Variants in ALPK1 observed in about 807,000 individuals in gnomAD.
ALPK1 encodes alpha kinase 1.
Under a neutral mutation model 120.6 loss-of-function variants are expected in ALPK1, and 110 were observed. The ratio of observed to expected loss-of-function variants is 0.91; its 90% confidence interval spans 0.78 to 1.07. The LOEUF (loss-of-function observed/expected upper bound fraction) is 1.07, where lower values mean the gene tolerates loss of function less well. Ranked by LOEUF, ALPK1 falls within the 50% of genes least tolerant of loss-of-function variation. The pLI, the probability that ALPK1 is intolerant of heterozygous loss-of-function variation, is 0.00. For synonymous variants in ALPK1, 582 were observed against 560.3 expected (o/e 1.04, Z -0.55); for missense variants, 1,498 against 1,483.9 (o/e 1.01, Z -0.16).
intron 3 of ALPK1, among the ~76,000 whole-genome samples, chr4:112,380,102 A>ACTTCTT (rs1285585053): frequency 2.0e-5 from 3 of 152,196 alleles, no homozygotes; most frequent in African/African-American, 7.2e-5. Context: ...AAACTGGGAC[A>ACTTCTT]CTTCTTCTGA....
At chr4:112,306,554 T>C (rs1327722769) in intron 1 of ALPK1, among the ~76,000 whole-genome samples, 11 of 151,184 alleles carry the variant, frequency 7.3e-5, no homozygotes, top group African/African-American at 2.7e-4. Flanking sequence ...TTTATAGTAT[T>C]CTCTGATGGT....
chr4:112,389,595 G>A (rs1732313579), intron 4 of ALPK1, among the ~76,000 whole-genome samples: 1 of 152,242 alleles, frequency 6.6e-6, no homozygotes, highest in African/African-American at 2.4e-5. Flanking sequence ...GAGGAAGGGA[G>A]CTGAGCTACT....
intron 9 of ALPK1, chr4:112,427,942 C>A (rs1734314630): frequency 3.7e-6 from 1 of 266,914 alleles, no homozygotes; most frequent in African/African-American, 2.2e-5. Context: ...AGCCTCACTT[C>A]TTTCCTTTCA....
chr4:112,412,090 C>A, intron 5 of ALPK1, 65 bp downstream of exon 5: 4 of 1,589,518 alleles, frequency 2.5e-6, no homozygotes, highest in Non-Finnish European at 3.4e-6. Context: ...CCCTCCCGAG[C>A]TACTTGACCT....
intron 2 of ALPK1, among the ~76,000 whole-genome samples, chr4:112,369,485 C>G (rs1344432896): frequency 6.6e-6 from 1 of 152,126 alleles, no homozygotes; most frequent in African/African-American, 2.4e-5. Flanking sequence ...ATACCTTTTC[C>G]TATAGAAACA....
chr4:112,323,641 C>T (rs957702002), intron 2 of ALPK1, among the ~76,000 whole-genome samples: 3 of 152,004 alleles, frequency 2.0e-5, no homozygotes, highest in Non-Finnish European at 4.4e-5. Flanking sequence ...GCCATTTTTG[C>T]CTTTATCCTA....
At chr4:112,366,941 T>G (rs1182833006) in intron 2 of ALPK1, among the ~76,000 whole-genome samples, 1 of 152,106 alleles carries the variant, frequency 6.6e-6, no homozygotes, top group Non-Finnish European at 1.5e-5. Context: ...GAGAAGTAAC[T>G]CAGGAATGGA....
At chr4:112,404,339 A>G (rs927025176) in intron 4 of ALPK1, among the ~76,000 whole-genome samples, 2 of 152,126 alleles carry the variant, frequency 1.3e-5, no homozygotes, top group Admixed American at 1.3e-4. Context: ...ATGGTGTTCC[A>G]TGTCATTTAT....
intron 1 of ALPK1, among the ~76,000 whole-genome samples, chr4:112,300,161 A>G (rs1019781915): frequency 6.6e-6 from 1 of 152,206 alleles, no homozygotes; most frequent in Non-Finnish European, 1.5e-5. Flanking sequence ...AAAACATGAT[A>G]GGATAAAAAA....
intron 2 of ALPK1, among the ~76,000 whole-genome samples, chr4:112,353,761 T>G (rs1303364649): frequency 6.6e-6 from 1 of 151,984 alleles, no homozygotes; most frequent in Non-Finnish European, 1.5e-5. Context: ...CCCAGCTACT[T>G]GGGAAGCTGA....
chr4:112,356,472 AC>A, intron 2 of ALPK1: 1 of 954,144 alleles, frequency 1.0e-6, no homozygotes. Flanking sequence ...CGCCTTTAGG[AC>A]CCACTCGCAA....
intron 2 of ALPK1, among the ~76,000 whole-genome samples, chr4:112,328,090 C>CT (rs1216601295): frequency 6.6e-6 from 1 of 152,228 alleles, no homozygotes; most frequent in African/African-American, 2.4e-5. Context: ...TAAGCAATGA[C>CT]TAAAAAAGAA....
At chr4:112,391,342 C>T (rs1467882124) in intron 4 of ALPK1, among the ~76,000 whole-genome samples, 2 of 152,174 alleles carry the variant, frequency 1.3e-5, no homozygotes, top group Non-Finnish European at 2.9e-5. Flanking sequence ...AGCCAAACTG[C>T]AGGCCATAAA....
intron 1 of ALPK1, among the ~76,000 whole-genome samples, chr4:112,306,802 G>T (rs887136591): frequency 5.3e-5 from 8 of 151,946 alleles, no homozygotes; most frequent in African/African-American, 1.9e-4. Context: ...GCTTTTGAAT[G>T]TGTTTGCCCT....
At chr4:112,312,606 C>A (rs1728458499) in intron 1 of ALPK1, among the ~76,000 whole-genome samples, 1 of 152,202 alleles carries the variant, frequency 6.6e-6, no homozygotes, top group Non-Finnish European at 1.5e-5. Flanking sequence ...ACAAATACAG[C>A]ATGGAGACTC....
At chr4:112,422,482 G>A (rs748966134) in intron 5 of ALPK1, among the ~76,000 whole-genome samples, 1 of 152,048 alleles carries the variant, frequency 6.6e-6, no homozygotes, top group Non-Finnish European at 1.5e-5. Flanking sequence ...TTACAACACC[G>A]TATAATGTCT....
chr4:112,381,116 C>T (rs1303111967), intron 3 of ALPK1, among the ~76,000 whole-genome samples: 2 of 152,066 alleles, frequency 1.3e-5, no homozygotes, highest in African/African-American at 2.4e-5. Flanking sequence ...TTTAGAAAAA[C>T]GAGGCTTGAC....
intron 10 of ALPK1, 85 bp downstream of exon 10, chr4:112,429,338 T>A: frequency 9.3e-7 from 1 of 1,078,360 alleles, no homozygotes; most frequent in Non-Finnish European, 1.3e-6. Context: ...GGGAAAGGTT[T>A]AACCTTCAAA....
Position 112,413,533 on chromosome 4 carries a change from C to T in ALPK1, c.475+1508C>T, listed in dbSNP as rs536501892. The stretch of plus-strand genomic sequence containing the variant: ...TCTGGGGCTCAGGTGATGTTCCCCC[C>T]TCAGCCTCCTAAGTAGCTGAGACTT... On this transcript the variant is annotated intron_variant, in intron 5 of 15. Coordinates refer to ENST00000650871, the MANE Select transcript of ALPK1 (RefSeq NM_025144.4). 3.0e-4 allele frequency among the ~76,000 whole-genome samples: 45 copies of T among 152,316 alleles called. No homozygotes were observed. In the South Asian group the frequency reaches 8.7e-3, roughly 29 times the overall value.
Sources: gnomAD v4.1 joint callset for allele counts (sites outside exome capture counted in the v4.1 genomes callset) on GRCh38, gnomAD v4.1.1 for gene constraint, MANE v1.5 for transcripts, NCBI Gene and HGNC (gene_info 2026-07-23, HGNC 2026-07-21) for gene names.